PLS3: variants seen among roughly 807,000 people sequenced by gnomAD.
PLS3 encodes plastin 3.
In PLS3, 11 loss-of-function variants were observed where a neutral mutation model predicts 46.5. That is an observed-to-expected ratio of 0.24 (90% CI 0.15 to 0.39). The LOEUF is 0.39. Among genes scored for constraint, PLS3 ranks in the 10% least tolerant of loss-of-function variants. The pLI, the probability that PLS3 is intolerant of heterozygous loss-of-function variation, is 1.00. For synonymous variants in PLS3, 167 were observed against 162.2 expected, an observed-to-expected ratio of 1.03 and a Z score of -0.22; for missense variants, 308 against 461.8, an observed-to-expected ratio of 0.67 and a Z score of 3.05.
At chrX:115,577,905 AC>A (rs2074257942) in intron 1 of PLS3, among the ~76,000 whole-genome samples, 1 of 111,666 alleles carries the variant, frequency 9.0e-6, no homozygotes, top group Non-Finnish European at 1.9e-5. Flanking sequence ...TCAAGTACTT[AC>A]CGAGCACCTT....
At chrX:115,619,522 T>C (rs2074628517) in intron 2 of PLS3, among the ~76,000 whole-genome samples, 2 of 112,512 alleles carry the variant, frequency 1.8e-5, no homozygotes, top group South Asian at 7.4e-4. Context: ...GCAGACATTA[T>C]TGATGGATTG....
At chrX:115,591,328 C>A (rs781997309) in intron 1 of PLS3, among the ~76,000 whole-genome samples, 1 of 111,728 alleles carries the variant, frequency 9.0e-6, no homozygotes, top group Admixed American at 9.5e-5. Flanking sequence ...TCATGCTGAT[C>A]GAAGATTAGC....
At chrX:115,633,970 C>T in intron 5 of PLS3, 30 bp from the exon 6 acceptor site, 1 of 755,462 alleles carries the variant, frequency 1.3e-6, no homozygotes. Flanking sequence ...TTTTTTTTTA[C>T]ATCAGCCTTT....
At chrX:115,599,728 G>A (rs2074425200) in intron 1 of PLS3, among the ~76,000 whole-genome samples, 1 of 107,210 alleles carries the variant, frequency 9.3e-6, no homozygotes, top group African/African-American at 3.4e-5. Context: ...CGCCTCCTGG[G>A]TTCAAGCAAT....
intron 1 of PLS3, among the ~76,000 whole-genome samples, chrX:115,585,314 G>A (rs1262620580): frequency 1.8e-5 from 2 of 112,064 alleles, no homozygotes; most frequent in Non-Finnish European, 3.8e-5. Context: ...ACAAATATGA[G>A]CCATGAAATT....
At position 115,591,585 on chromosome X, in the gene PLS3, T is replaced by G. The variant is rs191236947; in HGVS notation, c.-8-18658T>G. ...CGTCTCAGTGGTTTGAGGCAACAGG[T>G]GTGGCTGAAGAAAAGGTAAGGCTGG... is the stretch of plus-strand genomic sequence containing the variant. On this transcript the variant is annotated intron_variant, in intron 1 of 15. Coordinates refer to ENST00000355899, the MANE Select transcript of PLS3 (RefSeq NM_005032.7). Among the ~76,000 whole-genome samples, 378 of 111,775 alleles carry G rather than the reference T, an allele frequency of 3.4e-3. 2 individuals carry two copies. The highest frequency in any genetic ancestry group is 5.6e-3 in the Non-Finnish European group (296 of 53,112).
chrX:115,630,883 A>G (rs2074763049), intron 5 of PLS3, among the ~76,000 whole-genome samples: 2 of 96,125 alleles, frequency 2.1e-5, no homozygotes, highest in South Asian at 8.5e-4. Context: ...ATATGTATAT[A>G]TATGTATAAT....
chrX:115,632,571 C>T (rs1046434144), intron 5 of PLS3, among the ~76,000 whole-genome samples: 3 of 111,750 alleles, frequency 2.7e-5, no homozygotes, highest in African/African-American at 6.5e-5. Context: ...ATCTTTCTCT[C>T]GCCACTATAC....
chrX:115,617,064 A>T (rs782362138), intron 2 of PLS3, among the ~76,000 whole-genome samples: 20 of 111,900 alleles, frequency 1.8e-4, no homozygotes, highest in Non-Finnish European at 3.2e-4. Context: ...CCACAGTTTC[A>T]AGTAAGACCC....
chrX:115,648,342 G>GTGTTCAT lies in PLS3; in HGVS notation c.1760+326_1760+332dup, dbSNP rs782033305. Among the ~76,000 whole-genome samples the GTGTTCAT allele has an allele frequency of 6.3e-5, 7 of 111,232 alleles. No homozygotes were observed. In the East Asian group the frequency reaches 2.0e-3, roughly 31 times the overall value. On this transcript the variant is annotated intron_variant, in intron 15 of 15. Transcript: ENST00000355899. Reference sequence around the variant, plus strand: ...TTTACAAGGAAAATAAGAGCTTAGGGTGTTCATCTGTCTGTCTCATTCTTT... The same window carrying GTGTTCAT: ...TTTACAAGGAAAATAAGAGCTTAGGGTGTTCATTGTTCATCTGTCTGTCTCATTCTTT...
chrX:115,647,077 G>A (rs781934684), intron 13 of PLS3, among the ~76,000 whole-genome samples: 1 of 111,128 alleles, frequency 9.0e-6, no homozygotes, highest in East Asian at 2.8e-4. Flanking sequence ...AGCCACTACT[G>A]CTTGAAATAT....
intron 1 of PLS3, among the ~76,000 whole-genome samples, chrX:115,599,540 A>G (rs1348815911): frequency 9.6e-6 from 1 of 103,959 alleles, no homozygotes; most frequent in African/African-American, 3.5e-5. Context: ...AAAAAAAGGA[A>G]AGAGGGAAAA....
intron 2 of PLS3, among the ~76,000 whole-genome samples, chrX:115,620,073 T>A (rs782075094): frequency 1.3e-4 from 15 of 111,629 alleles, no homozygotes; most frequent in Non-Finnish European, 2.8e-4. Context: ...CCCAGAGCAT[T>A]CTTGCAAATT....
chrX:115,603,971 A>G (rs1178585484), intron 1 of PLS3, among the ~76,000 whole-genome samples: 1 of 112,015 alleles, frequency 8.9e-6, no homozygotes, highest in Non-Finnish European at 1.9e-5. Flanking sequence ...GAATGTGACA[A>G]TATTGACAAG....
chrX:115,609,718 A>ACACATGTG (rs2074530047), intron 1 of PLS3, among the ~76,000 whole-genome samples: 1 of 112,650 alleles, frequency 8.9e-6, no homozygotes, highest in Admixed American at 9.4e-5. Context: ...GTATATTAGC[A>ACACATGTG]CACATGTGCA....
At chrX:115,578,622 G>A (rs1468306208) in intron 1 of PLS3, among the ~76,000 whole-genome samples, 4 of 102,637 alleles carry the variant, frequency 3.9e-5, no homozygotes, top group African/African-American at 1.4e-4. Context: ...CTACTCGGGA[G>A]GCTGAGGCAG....
At chrX:115,644,107 TCA>T (rs1472847160) in intron 10 of PLS3, among the ~76,000 whole-genome samples, 65 of 111,724 alleles carry the variant, frequency 5.8e-4, no homozygotes, top group African/African-American at 2.0e-3. Context: ...ACATATGCAT[TCA>T]GTTTGACCTG....
chrX:115,573,969 G>A (rs1455717625), intron 1 of PLS3, among the ~76,000 whole-genome samples: 1 of 111,321 alleles, frequency 9.0e-6, no homozygotes, highest in Non-Finnish European at 1.9e-5. Context: ...CTCGCAAAGT[G>A]CTGGGATTAC....
At chrX:115,572,777 C>A (rs782801253) in intron 1 of PLS3, among the ~76,000 whole-genome samples, 5 of 111,399 alleles carry the variant, frequency 4.5e-5, no homozygotes, top group Admixed American at 1.9e-4. Context: ...TCTCATGAAA[C>A]CTAAAAATAT....
Sources: allele counts gnomAD v4.1 joint callset (sites outside exome capture counted in the v4.1 genomes callset), GRCh38; gene constraint gnomAD v4.1.1; transcripts MANE v1.5; gene names NCBI Gene and HGNC (gene_info 2026-07-23, HGNC 2026-07-21).